SUSD6: variants seen among roughly 807,000 people sequenced by gnomAD.
The protein encoded by SUSD6 is sushi domain containing 6.
Under a neutral mutation model 28.4 loss-of-function variants are expected in SUSD6, and 16 were observed. The ratio of observed to expected loss-of-function variants is 0.56; its 90% CI spans 0.38 to 0.86. SUSD6 has a LOEUF of 0.86. Ranked by LOEUF, SUSD6 falls within the 40% of genes least tolerant of loss-of-function variation. The pLI, the probability that SUSD6 is intolerant of heterozygous loss-of-function variation, is 0.00. For synonymous variants in SUSD6, 147 were observed against 159.6 expected (o/e 0.92, Z 0.59); for missense variants, 341 against 384.2 (o/e 0.89, Z 0.94).
intron 2 of SUSD6, among the ~76,000 whole-genome samples, chr14:69,679,625 T>C (rs1423880413): frequency 6.6e-6 from 1 of 152,052 alleles, no homozygotes; most frequent in Non-Finnish European, 1.5e-5. Flanking sequence ...TGTTAGTGTA[T>C]TTTATGTGTG....
chr14:69,653,992 A>T (rs140142882), intron 1 of SUSD6, among the ~76,000 whole-genome samples: 2 of 151,814 alleles, frequency 1.3e-5, no homozygotes. Flanking sequence ...TAAACACCCC[A>T]CTGACTACCT....
chr14:69,612,429 T>A (rs1368123226), intron 1 of SUSD6, among the ~76,000 whole-genome samples: 2 of 152,176 alleles, frequency 1.3e-5, no homozygotes, highest in Non-Finnish European at 2.9e-5. Context: ...CTATTTTCTT[T>A]CAAAAAGTAG....
chr14:69,619,027 G>T (rs1387468200), intron 1 of SUSD6, among the ~76,000 whole-genome samples: 8 of 152,180 alleles, frequency 5.3e-5, no homozygotes, highest in Non-Finnish European at 1.0e-4. Flanking sequence ...GATGCTCAGA[G>T]CTGACTTGCC....
intron 2 of SUSD6, among the ~76,000 whole-genome samples, chr14:69,671,530 G>A (rs1193091896): frequency 2.0e-5 from 3 of 152,178 alleles, no homozygotes; most frequent in Non-Finnish European, 4.4e-5. Context: ...TGTACCGCGT[G>A]GGGTCCCATG....
chr14:69,662,101 A>G (rs923533112), intron 2 of SUSD6, among the ~76,000 whole-genome samples: 20 of 152,090 alleles, frequency 1.3e-4, no homozygotes, highest in African/African-American at 4.6e-4. Context: ...TGCATTTCTT[A>G]CCTGTTCTTA....
chr14:69,615,421 C>CT (rs1884945325), intron 1 of SUSD6: 3 of 152,226 alleles, frequency 2.0e-5, no homozygotes, highest in African/African-American at 7.2e-5. Flanking sequence ...AAAGGTGCCT[C>CT]TTACAAGGCT....
chr14:69,657,435 A>G (rs1256069411), intron 1 of SUSD6, among the ~76,000 whole-genome samples: 2 of 151,066 alleles, frequency 1.3e-5, no homozygotes, highest in Non-Finnish European at 2.9e-5. Flanking sequence ...AGCCTGGGCA[A>G]CAGAGCAAGA....
At chr14:69,615,090 GC>G in intron 1 of SUSD6, among the ~76,000 whole-genome samples, 1 of 152,358 alleles carries the variant, frequency 6.6e-6, no homozygotes, top group East Asian at 1.9e-4. Flanking sequence ...AGAGGAGGGA[GC>G]CCCATGTCTT....
intron 2 of SUSD6, among the ~76,000 whole-genome samples, chr14:69,681,613 C>G (rs1019086387): frequency 2.0e-5 from 3 of 152,198 alleles, no homozygotes; most frequent in Non-Finnish European, 4.4e-5. Flanking sequence ...TCATTGTTAA[C>G]ATCTGAAAGA....
chr14:69,666,247 G>GTTCT (rs1885737629), intron 2 of SUSD6, among the ~76,000 whole-genome samples: 1 of 152,204 alleles, frequency 6.6e-6, no homozygotes, highest in Non-Finnish European at 1.5e-5. Flanking sequence ...GCAAAGAGTG[G>GTTCT]TAAATGCCCT....
chr14:69,647,593 G>A (rs1885446179), intron 1 of SUSD6, among the ~76,000 whole-genome samples: 2 of 152,042 alleles, frequency 1.3e-5, no homozygotes, highest in Admixed American at 1.3e-4. Context: ...AAAGGCTGAG[G>A]ATGTGTATTT....
chr14:69,675,956 T>C lies in SUSD6; in HGVS notation c.121+17243T>C, dbSNP rs1392524434. The stretch of plus-strand genomic sequence containing the variant: ...TTGTTTGATGGTTTGGTTTTGTTTT[T>C]AACGCTGACTTCCCATGCTATTGTC... On this transcript the variant is annotated intron_variant, in intron 2 of 5. Transcript: ENST00000342745. Among the ~76,000 whole-genome samples the C allele has an allele frequency of 5.3e-5, 8 of 152,212 alleles. No individual in the cohort carries two copies. In the East Asian group the frequency reaches 1.4e-3, roughly 26 times the overall value.
At position 69,647,841 on chromosome 14, in the gene SUSD6, C is replaced by T. The variant is rs1366583301; in HGVS notation, c.-80-10672C>T. 4.6e-5 allele frequency among the ~76,000 whole-genome samples: 7 copies of T among 152,178 alleles called. No individual in the cohort carries two copies. The East Asian group carries it at 1.2e-3, about 25-fold the overall frequency. ...CTCTACTGAAAATACAAAAATTAGT[C>T]GGGCTTGGTGGCGCACACCTGTACT... On this transcript the variant is annotated intron_variant, in intron 1 of 5. Transcript: ENST00000342745.
At chr14:69,634,562 G>T (rs1885236909) in intron 1 of SUSD6, among the ~76,000 whole-genome samples, 2 of 152,318 alleles carry the variant, frequency 1.3e-5, no homozygotes, top group Middle Eastern at 3.4e-3. Context: ...TGTGAAATAG[G>T]TTGGTAACAT....
rs533744168 is a variant in SUSD6, at chr14:69,641,911, A to G, written c.-80-16602A>G. 2.7e-4 allele frequency among the ~76,000 whole-genome samples: 41 copies of G among 152,180 alleles called. No individual in the cohort carries two copies. In the South Asian group the frequency reaches 7.9e-3, roughly 29 times the overall value. On this transcript the variant is annotated intron_variant, in intron 1 of 5. Transcript: ENST00000342745. ...CAAGCCACTGTGCCTAGCCACTTCA[A>G]ATATTCTTTATGACTTTTCTCTCTT...
rs1327708315 is a variant in SUSD6 at position 69,681,653 on chromosome 14, C to T, written c.122-21742C>T. 3.3e-5 allele frequency among the ~76,000 whole-genome samples: 5 copies of T among 152,152 alleles called. No homozygotes were observed. The East Asian group carries it at 9.6e-4, about 29-fold the overall frequency. On this transcript the variant is annotated intron_variant, in intron 2 of 5. Coordinates refer to ENST00000342745, the MANE Select transcript of SUSD6 (RefSeq NM_014734.4). Reference sequence around the variant, plus strand: ...ACTTTCTTTGGCAACTTATTTATAGCCTTTTCATTACTTCTTGAGAATGGT... The same window carrying T: ...ACTTTCTTTGGCAACTTATTTATAGTCTTTTCATTACTTCTTGAGAATGGT...
chr14:69,703,351 G>A (rs1368306457), intron 2 of SUSD6, 44 bp from the exon 3 acceptor site: 1 of 1,501,048 alleles, frequency 6.7e-7, no homozygotes, highest in Admixed American at 1.7e-5. Flanking sequence ...GACTCCTACT[G>A]GATACCTCAC....
chr14:69,655,133 G>A (rs1406675551), intron 1 of SUSD6, among the ~76,000 whole-genome samples: 3 of 147,264 alleles, frequency 2.0e-5, no homozygotes, highest in Non-Finnish European at 4.5e-5. Context: ...GAGTTTTTCC[G>A]TGCTTATAGG....
Position 69,611,742 on chromosome 14 carries a change from C to T in SUSD6, c.-167C>T, listed in dbSNP as rs867210955. ...TAGACAAGGGCACGCGGGGCCTCGC[C>T]TAGACCCGAGAAGACTGCGGGCGCG... is the stretch of plus-strand genomic sequence containing the variant. On this transcript the variant is annotated 5_prime_UTR_variant, in exon 1 of 6. Transcript: ENST00000342745. 43 of 151,442 alleles carry T rather than the reference C, an allele frequency of 2.8e-4. No homozygotes were observed. Among genetic ancestry groups the T allele is most frequent in the African/African-American group, 8.7e-4 (36 of 41,382 alleles). 9.4% of individuals were successfully genotyped at this position (151,442 alleles called of 1,614,324 possible). A position where few individuals can be genotyped will look rare whatever the true frequency, so the allele number is the denominator to read the frequency against.
Sources: gnomAD v4.1 joint callset for allele counts (sites outside exome capture counted in the v4.1 genomes callset) on GRCh38, gnomAD v4.1.1 for gene constraint, MANE v1.5 for transcripts, NCBI Gene and HGNC (gene_info 2026-07-23, HGNC 2026-07-21) for gene names.